Variants in SLC24A2 observed in about 807,000 individuals in gnomAD.
SLC24A2 encodes the protein sodium/potassium/calcium exchanger 2.
A neutral mutation model predicts 62.0 loss-of-function variants in SLC24A2; 36 were observed. That is an observed-to-expected ratio of 0.58 (90% CI 0.44 to 0.77). SLC24A2 has a LOEUF of 0.77. Ranked by LOEUF, SLC24A2 falls within the 30% of genes least tolerant of loss-of-function variation. The pLI, the probability that SLC24A2 is intolerant of heterozygous loss-of-function variation, is 0.00. For missense variants in SLC24A2, 846 were observed against 817.9 expected, an observed-to-expected ratio of 1.03 and a Z score of -0.42; for synonymous variants, 358 against 294.0, an observed-to-expected ratio of 1.22 and a Z score of -2.23.
chr9:19,850,946 CATATATATATATATATATATGTATATAT>C, the SLC24A2 span, among the ~76,000 whole-genome samples: 2 of 24,720 alleles, frequency 8.1e-5, no homozygotes, highest in African/African-American at 2.3e-4. Context: ...TATATATATA[CATATATATATATATATATATGTATATAT>C]ATATATATAT....
the SLC24A2 span, among the ~76,000 whole-genome samples, chr9:20,099,050 A>T: frequency 6.6e-6 from 1 of 152,362 alleles, no homozygotes; most frequent in Admixed American, 6.5e-5. Context: ...CACTGCCAAC[A>T]GAACAAAAAG....
the SLC24A2 span, among the ~76,000 whole-genome samples, chr9:20,183,105 G>T: frequency 6.6e-6 from 1 of 152,084 alleles, no homozygotes; most frequent in Non-Finnish European, 1.5e-5. Flanking sequence ...CTAAAATCTA[G>T]ATCTACCTTA....
intron 2 of SLC24A2, among the ~76,000 whole-genome samples, chr9:19,778,878 T>C (rs1587314649): frequency 1.3e-5 from 2 of 152,032 alleles, no homozygotes; most frequent in East Asian, 3.9e-4. Flanking sequence ...AAATACAAAA[T>C]AAATATACTT....
the SLC24A2 span, among the ~76,000 whole-genome samples, chr9:20,100,620 A>G: frequency 2.1e-4 from 32 of 152,362 alleles, no homozygotes; most frequent in African/African-American, 7.7e-4. Flanking sequence ...TCTGACACTT[A>G]GTGTTCAACA....
chr9:20,258,096 T>G, the SLC24A2 span, among the ~76,000 whole-genome samples: 1 of 152,208 alleles, frequency 6.6e-6, no homozygotes, highest in African/African-American at 2.4e-5. Flanking sequence ...CCCCATGTGG[T>G]AGGGAGAATA....
intron 2 of SLC24A2, among the ~76,000 whole-genome samples, chr9:19,702,172 C>T (rs1820375087): frequency 3.9e-5 from 6 of 152,214 alleles, no homozygotes; most frequent in African/African-American, 1.4e-4. Flanking sequence ...TACAATAGCA[C>T]TAATCATGAT....
At chr9:20,101,360 C>T in the SLC24A2 span, among the ~76,000 whole-genome samples, 1 of 152,190 alleles carries the variant, frequency 6.6e-6, no homozygotes. Flanking sequence ...TGCTGTAGTG[C>T]AATAACATGA....
chr9:19,622,742 A>C (rs920775684), intron 2 of SLC24A2, among the ~76,000 whole-genome samples: 1 of 152,202 alleles, frequency 6.6e-6, no homozygotes, highest in Non-Finnish European at 1.5e-5. Context: ...ATAAAGAAAA[A>C]AATTCTGAAA....
chr9:20,037,291 A>G, the SLC24A2 span, among the ~76,000 whole-genome samples: 1 of 152,198 alleles, frequency 6.6e-6, no homozygotes, highest in Non-Finnish European at 1.5e-5. Flanking sequence ...GGGAATAATG[A>G]CAGGAGAGAA....
chr9:19,729,609 C>G (rs1821274403), intron 2 of SLC24A2, among the ~76,000 whole-genome samples: 1 of 151,846 alleles, frequency 6.6e-6, no homozygotes, highest in Admixed American at 6.6e-5. Flanking sequence ...AAGCCAGGAG[C>G]AGAAAGTTAA....
At chr9:19,800,182 G>T in the SLC24A2 span, among the ~76,000 whole-genome samples, 14,139 of 152,076 alleles carry the variant, frequency 0.093, 1,203 homozygotes, top group African/African-American at 0.23. Context: ...TGAGGTTTCA[G>T]GTGGGCATGA....
the SLC24A2 span, among the ~76,000 whole-genome samples, chr9:20,044,216 G>T: frequency 6.6e-6 from 1 of 152,082 alleles, no homozygotes; most frequent in Non-Finnish European, 1.5e-5. Context: ...AGACTATAGT[G>T]TAAACGTAAC....
chr9:20,227,082 C>T, the SLC24A2 span, among the ~76,000 whole-genome samples: 1 of 152,100 alleles, frequency 6.6e-6, no homozygotes, highest in African/African-American at 2.4e-5. Flanking sequence ...GCGTTAGTAA[C>T]AAATCCCTTT....
the SLC24A2 span, among the ~76,000 whole-genome samples, chr9:19,853,831 C>T: frequency 3.7e-4 from 56 of 152,214 alleles, no homozygotes; most frequent in African/African-American, 1.2e-3. Flanking sequence ...AAATGAGTTA[C>T]GGAGGAGTCT....
the SLC24A2 span, among the ~76,000 whole-genome samples, chr9:19,829,822 C>CACACATAT: frequency 7.0e-6 from 1 of 142,098 alleles, no homozygotes; most frequent in African/African-American, 2.5e-5. Context: ...CACACACACA[C>CACACATAT]ACACACACAC....
At chr9:20,286,773 G>A in the SLC24A2 span, among the ~76,000 whole-genome samples, 2 of 152,208 alleles carry the variant, frequency 1.3e-5, no homozygotes, top group East Asian at 3.9e-4. Flanking sequence ...CAGGACAGCA[G>A]GCACAAAACA....
intron 5 of SLC24A2, among the ~76,000 whole-genome samples, chr9:19,580,832 T>A (rs1333849167): frequency 6.6e-6 from 1 of 152,162 alleles, no homozygotes; most frequent in Non-Finnish European, 1.5e-5. Context: ...GCTGATCTGT[T>A]AAGCAGGGAT....
intron 2 of SLC24A2, among the ~76,000 whole-genome samples, chr9:19,636,375 C>CT (rs879562977): frequency 3.4e-5 from 1 of 29,370 alleles, no homozygotes; most frequent in African/African-American, 1.4e-4. Flanking sequence ...TTCTTTCTTT[C>CT]TTTCTTTCTT....
At chr9:19,758,363 C>T (rs1445017006) in intron 2 of SLC24A2, among the ~76,000 whole-genome samples, 1 of 152,132 alleles carries the variant, frequency 6.6e-6, no homozygotes, top group Non-Finnish European at 1.5e-5. Context: ...GTTTCCCATC[C>T]CATCACTCTT....
Sources: gnomAD v4.1 joint callset for allele counts (sites outside exome capture counted in the v4.1 genomes callset) on GRCh38, gnomAD v4.1.1 for gene constraint, MANE v1.5 for transcripts, NCBI Gene and HGNC (gene_info 2026-07-23, HGNC 2026-07-21) for gene names.